Variants in PPFIA2 observed in about 807,000 individuals in gnomAD.
PPFIA2 encodes the protein PPFI scaffold protein A2.
Under a neutral mutation model 175.5 loss-of-function variants are expected in PPFIA2, and 46 were observed. The ratio of observed to expected loss-of-function variants is 0.26; its 90% CI spans 0.21 to 0.34. The LOEUF (loss-of-function observed/expected upper bound fraction) is 0.34. Ranked by LOEUF, PPFIA2 falls within the 10% of genes least tolerant of loss-of-function variation. The pLI is 1.00. For synonymous variants in PPFIA2, 568 were observed against 511.4 expected, an observed-to-expected ratio of 1.11 and a Z score of -1.49; for missense variants, 1,179 against 1,506.1, an observed-to-expected ratio of 0.78 and a Z score of 3.60.
intron 4 of PPFIA2, among the ~76,000 whole-genome samples, chr12:81,562,095 A>G (rs2070226059): frequency 1.3e-5 from 2 of 152,200 alleles, no homozygotes; most frequent in African/African-American, 4.8e-5. Flanking sequence ...TGTCTCTTAA[A>G]AAGATAGGCC....
At chr12:81,419,268 C>T (rs2045853420) in intron 7 of PPFIA2, among the ~76,000 whole-genome samples, 1 of 151,876 alleles carries the variant, frequency 6.6e-6, no homozygotes, top group Admixed American at 6.6e-5. Context: ...CTACGCTCTG[C>T]CTCAATTTTC....
At chr12:81,312,132 G>A (rs923261943) in intron 22 of PPFIA2, 1 of 1,532,730 alleles carries the variant, frequency 6.5e-7, no homozygotes, top group African/African-American at 1.4e-5. Flanking sequence ...AAATAAACAT[G>A]TTCAGCAGCC....
At chr12:81,372,258 G>A (rs1417682678) in intron 11 of PPFIA2, among the ~76,000 whole-genome samples, 1 of 151,158 alleles carries the variant, frequency 6.6e-6, no homozygotes, top group Non-Finnish European at 1.5e-5. Flanking sequence ...ACCTCAGAAA[G>A]GGAGAAGAAA....
intron 21 of PPFIA2, among the ~76,000 whole-genome samples, chr12:81,337,369 C>A (rs745703369): frequency 3.3e-5 from 5 of 152,016 alleles, no homozygotes; most frequent in Non-Finnish European, 5.9e-5. Context: ...TAAACTGTGA[C>A]CTGAATTAAC....
At chr12:81,693,286 G>T (rs959755117) in intron 3 of PPFIA2, among the ~76,000 whole-genome samples, 2 of 152,076 alleles carry the variant, frequency 1.3e-5, no homozygotes, top group African/African-American at 4.8e-5. Context: ...GGTCTGGTGG[G>T]TGGTGTTTGG....
chr12:81,581,417 T>C (rs2074383726), intron 4 of PPFIA2, among the ~76,000 whole-genome samples: 1 of 151,770 alleles, frequency 6.6e-6, no homozygotes, highest in Non-Finnish European at 1.5e-5. Context: ...TGCATTCTAG[T>C]ACAGAGATCT....
At chr12:81,600,852 T>C (rs1352608151) in intron 4 of PPFIA2, among the ~76,000 whole-genome samples, 1 of 152,012 alleles carries the variant, frequency 6.6e-6, no homozygotes, top group Non-Finnish European at 1.5e-5. Context: ...AAATAGATTT[T>C]TACCATGCAA....
intron 5 of PPFIA2, among the ~76,000 whole-genome samples, chr12:81,447,787 T>C (rs1418397450): frequency 6.6e-6 from 1 of 152,158 alleles, no homozygotes; most frequent in African/African-American, 2.4e-5. Flanking sequence ...GCAATTAATA[T>C]TTGTTGAGTG....
rs2042424982 is a variant in PPFIA2, at chr12:81,283,006, C to T, written c.3018+4G>A. ...AAGGGTCTTAAAGCATATGAATCTC[C>T]TACCTGGGCCCAGCTTCCTTCCTCA... is the stretch of plus-strand genomic sequence containing the variant. On this transcript the variant is annotated splice_donor_region_variant and intron_variant, in intron 26 of 32. Transcript: ENST00000549396. 3.7e-6 allele frequency: 6 copies of T among 1,611,242 alleles called. No individual in the cohort carries two copies. Among genetic ancestry groups the T allele is most frequent in the Non-Finnish European group, 4.2e-6 (5 of 1,177,928 alleles).
At chr12:81,549,774 C>T (rs540865313) in intron 4 of PPFIA2, among the ~76,000 whole-genome samples, 1 of 151,886 alleles carries the variant, frequency 6.6e-6, no homozygotes, top group Non-Finnish European at 1.5e-5. Flanking sequence ...TCTTTTTTAG[C>T]CATGTTTTCT....
chr12:81,273,510 A>T (rs760163119), intron 28 of PPFIA2, among the ~76,000 whole-genome samples: 1 of 151,940 alleles, frequency 6.6e-6, no homozygotes, highest in Non-Finnish European at 1.5e-5. Flanking sequence ...TATCCTTTCT[A>T]TTTCTTCTTA....
chr12:81,627,029 T>C (rs1307631804), intron 4 of PPFIA2, among the ~76,000 whole-genome samples: 1 of 152,074 alleles, frequency 6.6e-6, no homozygotes, highest in Non-Finnish European at 1.5e-5. Context: ...TCAATGATTA[T>C]GCAAGGTCTC....
At chr12:81,647,834 A>AATATATAATATAATATATAAC (rs2066393516) in intron 4 of PPFIA2, among the ~76,000 whole-genome samples, 1 of 141,218 alleles carries the variant, frequency 7.1e-6, no homozygotes, top group Non-Finnish European at 1.5e-5. Flanking sequence ...TAGTATATAT[A>AATATATAATATAATATATAAC]ATATATAATA....
intron 3 of PPFIA2, among the ~76,000 whole-genome samples, chr12:81,744,982 G>A (rs1013278803): frequency 7.9e-5 from 12 of 151,712 alleles, no homozygotes; most frequent in Admixed American, 2.0e-4. Context: ...TGGAATGTTC[G>A]GAATATTAAT....
intron 22 of PPFIA2, among the ~76,000 whole-genome samples, chr12:81,321,261 T>C (rs950171010): frequency 5.9e-5 from 9 of 152,204 alleles, no homozygotes; most frequent in African/African-American, 2.2e-4. Context: ...TCTAATGACT[T>C]AAGGAATTTG....
At chr12:81,745,218 A>T (rs536855272) in intron 3 of PPFIA2, among the ~76,000 whole-genome samples, 5 of 152,328 alleles carry the variant, frequency 3.3e-5, no homozygotes, top group South Asian at 2.1e-4. Context: ...GGATTATAAA[A>T]GAGACACAGC....
chr12:81,493,799 A>C (rs1459549343), intron 4 of PPFIA2, among the ~76,000 whole-genome samples: 1 of 140,570 alleles, frequency 7.1e-6, no homozygotes. Flanking sequence ...CACATTGGAA[A>C]AAATAACAGC....
chr12:81,591,214 G>A (rs934191981), intron 4 of PPFIA2, among the ~76,000 whole-genome samples: 1 of 152,130 alleles, frequency 6.6e-6, no homozygotes, highest in African/African-American at 2.4e-5. Flanking sequence ...GTGGAACTTT[G>A]AACTTGAGAG....
chr12:81,602,954 G>T (rs1009675839), intron 4 of PPFIA2, among the ~76,000 whole-genome samples: 1 of 151,710 alleles, frequency 6.6e-6, no homozygotes, highest in African/African-American at 2.4e-5. Context: ...AATCAAATAC[G>T]TTTCCGGTGG....
Sources: allele counts gnomAD v4.1 joint callset (sites outside exome capture counted in the v4.1 genomes callset), GRCh38; gene constraint gnomAD v4.1.1; transcripts MANE v1.5; gene names NCBI Gene and HGNC (gene_info 2026-07-23, HGNC 2026-07-21).